ZNF827: variants seen among roughly 807,000 people sequenced by gnomAD.
ZNF827 encodes the protein zinc finger protein 827.
ZNF827 carries 13 observed loss-of-function variants against 102.4 expected under a neutral mutation model. The ratio of observed to expected loss-of-function variants is 0.13; its 90% CI spans 0.08 to 0.20. ZNF827 has a LOEUF of 0.20. ZNF827 is among the 10% of genes least tolerant of loss of function. The probability of loss-of-function intolerance (pLI) is 1.00; values close to 1 mark genes in which losing one functional copy is unlikely to be tolerated. For missense variants in ZNF827, 1,103 were observed against 1,344.4 expected (o/e 0.82, Z 2.81); for synonymous variants, 523 against 536.2 (o/e 0.98, Z 0.34).
Position 145,774,534 on chromosome 4 carries a change from T to C in ZNF827, c.2832A>G (p.Ile944Met), listed in dbSNP as rs1319336286. 1.2e-6 allele frequency: 2 copies of C among 1,611,976 alleles called. No individual in the cohort carries two copies. The highest frequency in any genetic ancestry group is 1.7e-6 in the Non-Finnish European group (2 of 1,179,116). Residue 944 changes from isoleucine (I) to methionine (M), a missense_variant, in exon 11 of 15, where the codon ATA becomes ATG. By Grantham distance (10) the Ile-to-Met change is conservative. Coordinates refer to ENST00000508784, the MANE Select transcript of ZNF827 (RefSeq NM_001306215.2). ...TGTGCTTGGTGCCAATGTGAGTCTT[T>C]ATCTCTGCTTCCTCCATGGTGACGA... ...CDFVTMEEAE[I>M]KTHIGTKHTG...
In ZNF827 at chr4:145,902,866, G is replaced by A; in HGVS notation, c.393C>T (p.Ser131=). 1 of 1,614,124 alleles carries A rather than the reference G, an allele frequency of 6.2e-7. No individual in the cohort carries two copies. Among genetic ancestry groups the A allele is most frequent in the South Asian group, 1.1e-5 (1 of 91,068 alleles). The part of the protein sequence containing the change: ...SNLRRLLEAG[S]LKLDAAATAN... ...CCGTGGCTGCAGCATCGAGTTTGAGGGAACCAGCCTCCAGCAGCCGCCTCA... is the reference window on the plus strand; with the variant it reads ...CCGTGGCTGCAGCATCGAGTTTGAGAGAACCAGCCTCCAGCAGCCGCCTCA... Residue 131 remains serine, a synonymous_variant, in exon 2 of 15, where the codon TCC becomes TCT. Transcript: ENST00000508784. This position sits in a 1 kb window ranked among gnomAD's most constrained non-coding sequence, Gnocchi z 4.3.
chr4:145,770,299 AAAATAAATAAAT>A (rs150231954), intron 11 of ZNF827, among the ~76,000 whole-genome samples: 4,159 of 87,202 alleles, frequency 0.048, 109 homozygotes, highest in African/African-American at 0.06. Flanking sequence ...ACCCTGTCTT[AAAATAAATAAAT>A]AAATAAATAA....
chr4:145,834,187 T>C (rs963628120), intron 7 of ZNF827, among the ~76,000 whole-genome samples: 1 of 151,874 alleles, frequency 6.6e-6, no homozygotes, highest in Non-Finnish European at 1.5e-5. Context: ...TTTTCCATCC[T>C]GCAAGATCTA....
chr4:145,902,994 C>T lies in ZNF827; in HGVS notation c.265G>A (p.Glu89Lys), dbSNP rs776514370. 4 of 1,614,144 alleles carry T rather than the reference C, an allele frequency of 2.5e-6. No individual in the cohort carries two copies. The highest frequency in any genetic ancestry group is 1.6e-4 in the Middle Eastern group (1 of 6,062). Reference protein sequence around the residue: ...HTLELVALDSEVLRDSLQCQD... With the variant: ...HTLELVALDSKVLRDSLQCQD... ...CACTGCAGTGAGTCTCGCAGGACCT[C>T]ACTGTCCAGTGCCACCAGCTCCAAC... The change falls in exon 2 of 15, where the codon GAG becomes AAG. Residue 89 changes from glutamate to lysine, a missense_variant. By Grantham distance (56) the Glu-to-Lys change is moderately conservative. This residue lies in a region of ZNF827 where 441 missense variants were observed against 458.6 expected (regional missense o/e 0.96). Coordinates refer to ENST00000508784, the MANE Select transcript of ZNF827 (RefSeq NM_001306215.2). The surrounding 1 kb of genome is among the most constrained non-coding windows in gnomAD (Gnocchi z 4.3).
intron 7 of ZNF827, among the ~76,000 whole-genome samples, chr4:145,833,313 T>G (rs946959897): frequency 6.6e-6 from 1 of 152,188 alleles, no homozygotes; most frequent in African/African-American, 2.4e-5. Context: ...GTTTTATCCG[T>G]GGACCCAAAA....
chr4:145,863,060 T>C (rs1248654412), intron 5 of ZNF827, among the ~76,000 whole-genome samples: 1 of 152,016 alleles, frequency 6.6e-6, no homozygotes, highest in Admixed American at 6.5e-5. Flanking sequence ...TAAAAACAAA[T>C]AACCCAATTT....
At chr4:145,880,975 G>T (rs1191441345) in intron 4 of ZNF827, among the ~76,000 whole-genome samples, 1 of 152,226 alleles carries the variant, frequency 6.6e-6, no homozygotes, top group African/African-American at 2.4e-5. Context: ...GGGCAATGAG[G>T]ATGACTTAGT....
intron 7 of ZNF827, 65 bp downstream of exon 7, chr4:145,845,891 A>C: frequency 2.6e-6 from 4 of 1,548,880 alleles, no homozygotes; most frequent in South Asian, 2.2e-5. Flanking sequence ...AGCAACGTTC[A>C]ACATGTAGTA....
intron 5 of ZNF827, among the ~76,000 whole-genome samples, chr4:145,867,253 C>T (rs1480775918): frequency 2.0e-5 from 3 of 152,182 alleles, no homozygotes; most frequent in Non-Finnish European, 4.4e-5. Context: ...ACTCGAACCA[C>T]AGGAAGGAAG....
chr4:145,861,968 G>T (rs968755742), intron 5 of ZNF827, among the ~76,000 whole-genome samples: 8 of 152,250 alleles, frequency 5.3e-5, no homozygotes, highest in African/African-American at 1.9e-4. Context: ...AGAAAGCTGG[G>T]TCAAAAAAGC....
chr4:145,936,194 A>G (rs1754156190), intron 1 of ZNF827, among the ~76,000 whole-genome samples: 1 of 151,506 alleles, frequency 6.6e-6, no homozygotes, highest in South Asian at 2.1e-4. Flanking sequence ...GCCCCCGACA[A>G]GAGCCCGGCA....
In ZNF827 at chr4:145,760,948, C is replaced by T. The variant is rs779898041; in HGVS notation, c.*668G>A. 15 of 1,232,384 alleles carry T rather than the reference C, an allele frequency of 1.2e-5. No individual in the cohort carries two copies. The highest frequency in any genetic ancestry group is 8.5e-5 in the South Asian group (6 of 70,962). 76.3% of individuals were successfully genotyped at this position (1,232,384 alleles called of 1,614,324 possible). On this transcript the variant is annotated 3_prime_UTR_variant, in exon 15 of 15. Transcript: ENST00000508784. ...AATGAGATGGGCAAAATCTGAGTTC[C>T]GGTACTTGTCAAAGCGCAAAGGGGA...
chr4:145,882,129 T>G (rs1434998832), intron 4 of ZNF827, among the ~76,000 whole-genome samples: 1 of 152,184 alleles, frequency 6.6e-6, no homozygotes, highest in Non-Finnish European at 1.5e-5. Flanking sequence ...AACTTAGCTC[T>G]CCGCAGTCGG....
At chr4:145,894,639 G>T (rs1304489082) in intron 2 of ZNF827, among the ~76,000 whole-genome samples, 1 of 152,262 alleles carries the variant, frequency 6.6e-6, no homozygotes, top group East Asian at 1.9e-4. Context: ...AAAGAATCAA[G>T]TCTGGAAATT....
intron 1 of ZNF827, among the ~76,000 whole-genome samples, chr4:145,913,385 C>T (rs1752430040): frequency 7.1e-6 from 1 of 140,238 alleles, no homozygotes; most frequent in Admixed American, 7.5e-5. Flanking sequence ...ACGACTGCAC[C>T]ACTGCATTCC....
At chr4:145,777,480 C>A (rs999939902) in intron 9 of ZNF827, among the ~76,000 whole-genome samples, 1 of 152,126 alleles carries the variant, frequency 6.6e-6, no homozygotes, top group South Asian at 2.1e-4. Flanking sequence ...CTTTGGGAAC[C>A]GACTGATTCA....
chr4:145,760,728 T>G lies in ZNF827; in HGVS notation c.*888A>C. 1.1e-5 allele frequency: 11 copies of G among 1,024,990 alleles called. 1 individual carries two copies. Among genetic ancestry groups the G allele is most frequent in the Non-Finnish European group, 1.3e-5 (11 of 843,138 alleles). 63.5% of individuals were successfully genotyped at this position (1,024,990 alleles called of 1,614,324 possible). Reference sequence around the variant, plus strand: ...TGTGTTTAAGTTTTGTGGTTTTTTTTTTTTTTTTTGTCTTTTGTCTCTCTG... The same window carrying G: ...TGTGTTTAAGTTTTGTGGTTTTTTTGTTTTTTTTTGTCTTTTGTCTCTCTG... On this transcript the variant is annotated 3_prime_UTR_variant, in exon 15 of 15. Transcript: ENST00000508784.
Position 145,902,594 on chromosome 4 carries a change from A to C in ZNF827, c.665T>G (p.Val222Gly). Residue 222 changes from valine (V) to glycine (G), a missense_variant, in exon 2 of 15, where the codon GTT becomes GGT. Coordinates refer to ENST00000508784, the MANE Select transcript of ZNF827 (RefSeq NM_001306215.2). This position sits in a 1 kb window ranked among gnomAD's most constrained non-coding sequence, Gnocchi z 4.3. ...CCTGGTGAGAGATTTGTCCTGCAGA[A>C]CGGCATTGGCTGCAGCTTTCAGTTT... is the stretch of plus-strand genomic sequence containing the variant. The part of the protein sequence containing the change: ...ILKLKAAANA[V>G]LQDKSLTRTE... 6.2e-7 allele frequency: 1 copy of C among 1,613,992 alleles called. No homozygotes were observed. The highest frequency in any genetic ancestry group is 8.5e-7 in the Non-Finnish European group (1 of 1,179,904).
At chr4:145,782,722 A>T (rs1180777218) in intron 8 of ZNF827, among the ~76,000 whole-genome samples, 1 of 152,200 alleles carries the variant, frequency 6.6e-6, no homozygotes, top group Non-Finnish European at 1.5e-5. Flanking sequence ...CTCAAGGCCA[A>T]ACTTCTGGCT....
Sources: gnomAD v4.1 joint callset for allele counts (sites outside exome capture counted in the v4.1 genomes callset) on GRCh38, gnomAD v4.1.1 for gene constraint, gnomAD v4.1.1 regional missense constraint, Gnocchi (gnomAD v3.1) non-coding constraint, MANE v1.5 for transcripts, NCBI Gene and HGNC (gene_info 2026-07-23, HGNC 2026-07-21) for gene names.